The following HMGCLL1 variants were observed in gnomAD, a reference collection of about 807,000 sequenced individuals.
The protein encoded by HMGCLL1 is 3-hydroxymethyl-3-methylglutaryl-CoA lyase, cytoplasmic.
In HMGCLL1, 36 loss-of-function variants were observed where a neutral mutation model predicts 39.1. The ratio of observed to expected loss-of-function variants is 0.92; its 90% confidence interval spans 0.71 to 1.22. The LOEUF (loss-of-function observed/expected upper bound fraction) is 1.22. Among genes scored for constraint, HMGCLL1 ranks in the 50% most tolerant of loss-of-function variants. The probability of loss-of-function intolerance (pLI) is 0.00; values close to 1 mark genes in which losing one functional copy is unlikely to be tolerated. For missense variants in HMGCLL1, 451 were observed against 416.5 expected (o/e 1.08, Z -0.72); for synonymous variants, 149 against 144.0 (o/e 1.03, Z -0.25).
intron 4 of HMGCLL1, among the ~76,000 whole-genome samples, chr6:55,516,285 T>C (rs771567951): frequency 1.3e-5 from 2 of 152,162 alleles, no homozygotes; most frequent in Non-Finnish European, 2.9e-5. Context: ...AATTTTACTT[T>C]TGTGTTTTGA....
At chr6:55,620,931 A>T in the HMGCLL1 span, among the ~76,000 whole-genome samples, 1 of 151,972 alleles carries the variant, frequency 6.6e-6, no homozygotes, top group Middle Eastern at 3.4e-3. Flanking sequence ...TGAATTCACT[A>T]TAGATGTGTA....
chr6:55,560,109 G>A (rs1270311500), intron 1 of HMGCLL1, among the ~76,000 whole-genome samples: 2 of 152,144 alleles, frequency 1.3e-5, no homozygotes, highest in Non-Finnish European at 1.5e-5. Flanking sequence ...CACAAGAAGA[G>A]TAAAACAAAA....
the HMGCLL1 span, among the ~76,000 whole-genome samples, chr6:55,619,112 G>A: frequency 6.6e-6 from 1 of 150,410 alleles, no homozygotes; most frequent in Non-Finnish European, 1.5e-5. Flanking sequence ...AACTGGGGTG[G>A]GAAGAGGGAG....
the HMGCLL1 span, among the ~76,000 whole-genome samples, chr6:55,669,221 A>C: frequency 6.6e-6 from 1 of 151,898 alleles, no homozygotes; most frequent in East Asian, 1.9e-4. Flanking sequence ...CAACTGAATA[A>C]ATGGATCAAT....
At chr6:55,493,551 T>C (rs1001105370) in intron 7 of HMGCLL1, among the ~76,000 whole-genome samples, 4 of 152,148 alleles carry the variant, frequency 2.6e-5, no homozygotes, top group African/African-American at 9.7e-5. Flanking sequence ...AACCTTAATT[T>C]ATCTGAATAC....
intron 7 of HMGCLL1, among the ~76,000 whole-genome samples, chr6:55,479,415 A>C (rs565910080): frequency 6.6e-6 from 1 of 151,558 alleles, no homozygotes; most frequent in African/African-American, 2.4e-5. Context: ...ATCTGAAACT[A>C]TGGGATGTGG....
the HMGCLL1 span, among the ~76,000 whole-genome samples, chr6:55,642,057 C>A: frequency 1.1e-5 from 1 of 93,352 alleles, no homozygotes; most frequent in African/African-American, 4.1e-5. Flanking sequence ...ATCCCTCCCC[C>A]CTCCCCCCAC....
chr6:55,660,124 C>T, the HMGCLL1 span, among the ~76,000 whole-genome samples: 1 of 151,782 alleles, frequency 6.6e-6, no homozygotes, highest in Non-Finnish European at 1.5e-5. Context: ...AATTTATGCA[C>T]CTCATACCCC....
chr6:55,542,056 C>G lies in HMGCLL1; in HGVS notation c.189+4G>C. On this transcript the variant is annotated splice_donor_region_variant and intron_variant, in intron 2 of 8. Transcript: ENST00000274901. ...AGCATTTGAAGTAAATGATGTAAAACTACCTTTTCATTCTGCAATCCATCC... is the reference window on the plus strand; with the variant it reads ...AGCATTTGAAGTAAATGATGTAAAAGTACCTTTTCATTCTGCAATCCATCC... 6.3e-7 allele frequency: 1 copy of G among 1,576,016 alleles called. No homozygotes were observed.
the HMGCLL1 span, among the ~76,000 whole-genome samples, chr6:55,608,302 T>C: frequency 9.2e-5 from 14 of 152,314 alleles, no homozygotes; most frequent in East Asian, 2.5e-3. Context: ...GTCAACACTC[T>C]TGCACTTGAC....
At chr6:55,542,175 CT>C in intron 1 of HMGCLL1, 35 bp from the exon 2 acceptor site, 1 of 1,387,004 alleles carries the variant, frequency 7.2e-7, no homozygotes, top group Non-Finnish European at 1.0e-6. Flanking sequence ...GATAACGTAA[CT>C]TTTAGATTGT....
At chr6:55,543,530 G>A (rs1410787261) in intron 1 of HMGCLL1, among the ~76,000 whole-genome samples, 6 of 99,994 alleles carry the variant, frequency 6.0e-5, no homozygotes, top group East Asian at 2.5e-4. Context: ...ATATTTTTAT[G>A]TGTATATATA....
At chr6:55,474,577 G>T (rs1404935130) in intron 7 of HMGCLL1, among the ~76,000 whole-genome samples, 2 of 151,224 alleles carry the variant, frequency 1.3e-5, no homozygotes, top group Admixed American at 6.6e-5. Context: ...TAGTTAATTT[G>T]AATTCCCTGT....
intron 5 of HMGCLL1, among the ~76,000 whole-genome samples, chr6:55,502,150 C>A (rs1398317787): frequency 1.3e-5 from 2 of 151,794 alleles, no homozygotes; most frequent in Non-Finnish European, 2.9e-5. Flanking sequence ...CATTCTTGAG[C>A]AATAGTTTGA....
chr6:55,666,637 A>G, the HMGCLL1 span, among the ~76,000 whole-genome samples: 1 of 151,802 alleles, frequency 6.6e-6, no homozygotes, highest in African/African-American at 2.4e-5. Flanking sequence ...TAGCTAATGG[A>G]GCATGGAGGA....
At chr6:55,505,381 G>T (rs953865449) in intron 5 of HMGCLL1, among the ~76,000 whole-genome samples, 2 of 151,616 alleles carry the variant, frequency 1.3e-5, no homozygotes, top group African/African-American at 4.8e-5. Flanking sequence ...CTCAAATAAA[G>T]GGAATTAAGA....
At chr6:55,474,129 G>A (rs78943185) in intron 7 of HMGCLL1, among the ~76,000 whole-genome samples, 2,568 of 151,472 alleles carry the variant, frequency 0.017, 72 homozygotes, top group African/African-American at 0.059. Flanking sequence ...TGAGCTTCCC[G>A]GATCTATGGG....
chr6:55,512,448 A>G (rs1767513820), intron 5 of HMGCLL1: 1 of 152,108 alleles, frequency 6.6e-6, no homozygotes, highest in Admixed American at 6.6e-5. Flanking sequence ...TGCCTGAAAA[A>G]TAAATATCCT....
intron 7 of HMGCLL1, among the ~76,000 whole-genome samples, chr6:55,487,488 T>A (rs1428937725): frequency 4.0e-5 from 6 of 151,844 alleles, no homozygotes; most frequent in African/African-American, 1.5e-4. Flanking sequence ...GATGTTCCCC[T>A]TCCTGTGTCC....
Sources: gnomAD v4.1 joint callset for allele counts (sites outside exome capture counted in the v4.1 genomes callset) on GRCh38, gnomAD v4.1.1 for gene constraint, MANE v1.5 for transcripts, NCBI Gene and HGNC (gene_info 2026-07-23, HGNC 2026-07-21) for gene names.